RPS6KA2: variants seen among roughly 807,000 people sequenced by gnomAD.
RPS6KA2 encodes ribosomal protein S6 kinase alpha-2.
Under a neutral mutation model 91.8 loss-of-function variants are expected in RPS6KA2, and 42 were observed. The observed-to-expected ratio is 0.46, with a 90% CI of 0.36 to 0.59. RPS6KA2 has a LOEUF of 0.59. Ranked by LOEUF, RPS6KA2 falls within the 20% of genes least tolerant of loss-of-function variation. The probability of loss-of-function intolerance (pLI) is 0.00; values close to 1 mark genes in which losing one functional copy is unlikely to be tolerated. For missense variants in RPS6KA2, 798 were observed against 978.5 expected (o/e 0.82, Z 2.46); for synonymous variants, 414 against 393.6 (o/e 1.05, Z -0.61).
At chr6:166,752,288 G>T (rs939657722) in intron 2 of RPS6KA2, among the ~76,000 whole-genome samples, 6 of 152,152 alleles carry the variant, frequency 3.9e-5, no homozygotes, top group African/African-American at 1.4e-4. Context: ...TGAAACGTAG[G>T]GCTGTGAAGC....
Position 166,508,094 on chromosome 6 carries a change from C to G in RPS6KA2, c.459+109G>C, listed in dbSNP as rs371013683. The G allele has an allele frequency of 5.9e-6, 4 of 680,716 alleles. No individual in the cohort carries two copies. In the African/African-American group the frequency reaches 7.1e-5, roughly 12 times the overall value. The allele number at this position is 680,716 out of a possible 1,614,324, so 42.2% of individuals were successfully genotyped here. A position where few individuals can be genotyped will look rare whatever the true frequency, so the allele number is the denominator to read the frequency against. ...ATGCACACACCCCCACACACACACACGCACTCTCGCACGTGCTCACGTCCT... is the reference window on the plus strand; with the variant it reads ...ATGCACACACCCCCACACACACACAGGCACTCTCGCACGTGCTCACGTCCT... On this transcript the variant is annotated intron_variant, in intron 5 of 20. Transcript: ENST00000265678. The surrounding 1 kb of genome is among the most constrained non-coding windows in gnomAD (Gnocchi z 4.3).
Position 166,409,499 on chromosome 6 carries a change from C to T in RPS6KA2, c.*3263G>A, listed in dbSNP as rs963840539. Reference sequence around the variant, plus strand: ...TCAAACATGAATTACAAAGCAGGAACATAAAAATGATGTGTAAACATAACT... The same window carrying T: ...TCAAACATGAATTACAAAGCAGGAATATAAAAATGATGTGTAAACATAACT... On this transcript the variant is annotated 3_prime_UTR_variant, in exon 21 of 21. Transcript: ENST00000265678. 1 of 152,416 alleles carries T rather than the reference C, an allele frequency of 6.6e-6. No individual in the cohort carries two copies. The highest frequency in any genetic ancestry group is 2.4e-5 in the African/African-American group (1 of 41,452). The allele number at this position is 152,416 out of a possible 1,614,324, so 9.4% of individuals were successfully genotyped here.
In RPS6KA2 at chr6:166,432,387, C is replaced by G. The variant is rs372781922; in HGVS notation, c.1422+14G>C. ...AGAAGGAAGTGGAGATGCTGTTGCA[C>G]GGGGACCACTCACATCCTTGAGGGT... On this transcript the variant is annotated intron_variant, in intron 15 of 20. Coordinates refer to ENST00000265678, the MANE Select transcript of RPS6KA2 (RefSeq NM_021135.6). The G allele has an allele frequency of 1.3e-6, 2 of 1,575,378 alleles. No homozygotes were observed. Among genetic ancestry groups the G allele is most frequent in the Non-Finnish European group, 1.7e-6 (2 of 1,146,282 alleles).
At chr6:166,430,645 C>A (rs9459668) in intron 15 of RPS6KA2, 34 bp from the exon 16 acceptor site, 91 of 1,584,196 alleles carry the variant, frequency 5.7e-5, no homozygotes, top group Non-Finnish European at 7.6e-5. Context: ...CACGTCACCA[C>A]GGCTGGTTGC....
At chr6:166,680,448 C>T (rs751178695) in intron 2 of RPS6KA2, among the ~76,000 whole-genome samples, 3 of 152,146 alleles carry the variant, frequency 2.0e-5, no homozygotes, top group South Asian at 2.1e-4. Flanking sequence ...GCTCTGGTCC[C>T]CTTCCACGTT....
chr6:166,845,984 G>A (rs9457231), intron 2 of RPS6KA2, among the ~76,000 whole-genome samples: 11,795 of 152,004 alleles, frequency 0.078, 756 homozygotes, highest in East Asian at 0.18. Context: ...AAGAAAAAAA[G>A]AGAAAATCCA....
At chr6:166,747,013 C>T (rs1003992370) in intron 2 of RPS6KA2, among the ~76,000 whole-genome samples, 115 of 152,208 alleles carry the variant, frequency 7.6e-4, no homozygotes, top group Non-Finnish European at 2.5e-4. Flanking sequence ...CACGACCCTG[C>T]GGAATCCTCC....
intron 2 of RPS6KA2, among the ~76,000 whole-genome samples, chr6:166,689,781 G>A (rs1237617719): frequency 6.6e-6 from 1 of 152,236 alleles, no homozygotes; most frequent in East Asian, 1.9e-4. Flanking sequence ...AGTGAAGACA[G>A]CACTGGTGGA....
chr6:166,648,324 CAT>C lies in RPS6KA2; in HGVS notation c.124-109542_124-109541del, dbSNP rs570279338. ...ACGCATGTATACACATGCACACACACATACATGCACACGCTTCTCCTCACTCC... is the reference window on the plus strand; with the variant it reads ...ACGCATGTATACACATGCACACACACACATGCACACGCTTCTCCTCACTCC... On this transcript the variant is annotated intron_variant, in intron 2 of 21. Coordinates refer to the RPS6KA2 transcript ENST00000503859. The surrounding 1 kb of genome is among the most constrained non-coding windows in gnomAD (Gnocchi z 4.8). 1.8e-3 allele frequency among the ~76,000 whole-genome samples: 266 copies of C among 151,520 alleles called. No individual in the cohort carries two copies. Among genetic ancestry groups the C allele is most frequent in the African/African-American group, 6.2e-3 (256 of 41,494 alleles).
chr6:166,460,797 G>C (rs1391527437), intron 11 of RPS6KA2: 1 of 152,306 alleles, frequency 6.6e-6, no homozygotes, highest in African/African-American at 2.4e-5. Context: ...TGACCATCTA[G>C]AGCTCAGTTC....
chr6:166,524,010 G>C (rs1289097284), intron 3 of RPS6KA2, among the ~76,000 whole-genome samples: 2 of 152,180 alleles, frequency 1.3e-5, no homozygotes, highest in Non-Finnish European at 2.9e-5. Flanking sequence ...AGGGGGCTTT[G>C]ACATGTTGGC....
In RPS6KA2 at chr6:166,648,315, GCACA is replaced by G. The variant is rs1274454149; in HGVS notation, c.124-109535_124-109532del. Among the ~76,000 whole-genome samples the G allele has an allele frequency of 6.6e-6, 1 of 151,816 alleles. No homozygotes were observed. Among genetic ancestry groups the G allele is most frequent in the Non-Finnish European group, 1.5e-5 (1 of 67,926 alleles). ...TGCACACACACGCATGTATACACAT[GCACA>G]CACACATACATGCACACGCTTCTCC... On this transcript the variant is annotated intron_variant, in intron 2 of 21. Coordinates refer to the RPS6KA2 transcript ENST00000503859. This position sits in a 1 kb window ranked among gnomAD's most constrained non-coding sequence, Gnocchi z 4.8.
chr6:166,707,475 G>T (rs1014707018), intron 2 of RPS6KA2, among the ~76,000 whole-genome samples: 1 of 152,214 alleles, frequency 6.6e-6, no homozygotes, highest in African/African-American at 2.4e-5. Context: ...CCAGGTGACT[G>T]GGTGGTGGGG....
chr6:166,484,033 A>G (rs1236632276), intron 10 of RPS6KA2, among the ~76,000 whole-genome samples: 5 of 152,242 alleles, frequency 3.3e-5, no homozygotes, highest in African/African-American at 1.2e-4. Flanking sequence ...GAGCCCGTGC[A>G]TCTGAGCAGG....
intron 1 of RPS6KA2, among the ~76,000 whole-genome samples, chr6:166,622,024 G>A (rs940942929): frequency 1.3e-5 from 2 of 152,180 alleles, no homozygotes; most frequent in Non-Finnish European, 2.9e-5. Context: ...CAGAGGATGT[G>A]AACATAGTTC....
rs755307213 is a variant in RPS6KA2, at chr6:166,821,256, G to C, written c.123+36944C>G. On this transcript the variant is annotated intron_variant, in intron 2 of 21. Transcript: ENST00000503859. This position sits in a 1 kb window ranked among gnomAD's most constrained non-coding sequence, Gnocchi z 4.1. ...AATATAGAGGTGATCGGGTAACACC[G>C]AGACAAGGATTTCTCTTTCTTTCCA... Among the ~76,000 whole-genome samples, 1 of 152,070 alleles carries C rather than the reference G, an allele frequency of 6.6e-6. No individual in the cohort carries two copies. The highest frequency in any genetic ancestry group is 1.5e-5 in the Non-Finnish European group (1 of 68,024).
At chr6:166,658,639 C>T (rs1006368415) in intron 2 of RPS6KA2, among the ~76,000 whole-genome samples, 9 of 152,106 alleles carry the variant, frequency 5.9e-5, no homozygotes, top group African/African-American at 1.4e-4. Flanking sequence ...GCCCAGGGCA[C>T]GGGGAGTAGG....
At chr6:166,649,862 C>T (rs949422429) in intron 2 of RPS6KA2, among the ~76,000 whole-genome samples, 2 of 152,220 alleles carry the variant, frequency 1.3e-5, no homozygotes, top group African/African-American at 4.8e-5. Context: ...GCAGGGCTGT[C>T]TTTCTGCGAA....
intron 2 of RPS6KA2, among the ~76,000 whole-genome samples, chr6:166,668,754 A>G (rs1184046590): frequency 6.6e-6 from 1 of 152,162 alleles, no homozygotes; most frequent in Non-Finnish European, 1.5e-5. Context: ...AACTGGTTCC[A>G]ATAGCTTTTG....
Sources: gnomAD v4.1 joint callset for allele counts (sites outside exome capture counted in the v4.1 genomes callset) on GRCh38, gnomAD v4.1.1 for gene constraint, Gnocchi (gnomAD v3.1) non-coding constraint, MANE v1.5 for transcripts, NCBI Gene and HGNC (gene_info 2026-07-23, HGNC 2026-07-21) for gene names.